Variants in MLANA observed in about 807,000 individuals in gnomAD.
MLANA encodes the protein melan-A.
In MLANA, 21 loss-of-function variants were observed where a neutral mutation model predicts 15.7. That is an observed-to-expected ratio of 1.33 (90% CI 0.95 to 1.92). The LOEUF is 1.92. Ranked by LOEUF, MLANA falls within the 40% of genes most tolerant of loss-of-function variation. The pLI is 0.00. For synonymous variants in MLANA, 56 were observed against 51.5 expected, an observed-to-expected ratio of 1.09 and a Z score of -0.37; for missense variants, 164 against 143.8, an observed-to-expected ratio of 1.14 and a Z score of -0.72.
At position 5,894,699 on chromosome 9, in the gene MLANA, G is replaced by C. The variant is rs1411050466; in HGVS notation, c.77+2148G>C. Among the ~76,000 whole-genome samples, 1 of 152,130 alleles carries C rather than the reference G, an allele frequency of 6.6e-6. No homozygotes were observed. The highest frequency in any genetic ancestry group is 1.5e-5 in the Non-Finnish European group (1 of 68,026). On this transcript the variant is annotated intron_variant, in intron 2 of 4. Coordinates refer to ENST00000381477, the MANE Select transcript of MLANA (RefSeq NM_005511.2). The surrounding 1 kb of genome is among the most constrained non-coding windows in gnomAD (Gnocchi z 4.0). ...TATACAGACAATGTGAGCATTGCTG[G>C]GGTGATCCTGACAGGAGCCAGAAGC... is the stretch of plus-strand genomic sequence containing the variant.
In MLANA at chr9:5,894,982, C is replaced by T. The variant is rs1260800516; in HGVS notation, c.77+2431C>T. The stretch of plus-strand genomic sequence containing the variant: ...TTTCTGTGTCTTGCAACCTGAATGA[C>T]GTGCATAAGCAGGGTCAGGTGGGTT... On this transcript the variant is annotated intron_variant, in intron 2 of 4. Transcript: ENST00000381477. This position sits in a 1 kb window ranked among gnomAD's most constrained non-coding sequence, Gnocchi z 4.0. Among the ~76,000 whole-genome samples, 2 of 152,200 alleles carry T rather than the reference C, an allele frequency of 1.3e-5. No homozygotes were observed. Among genetic ancestry groups the T allele is most frequent in the Non-Finnish European group, 2.9e-5 (2 of 68,048 alleles).
At chr9:5,893,536 C>A (rs1234266594) in intron 2 of MLANA, among the ~76,000 whole-genome samples, 1 of 152,172 alleles carries the variant, frequency 6.6e-6, no homozygotes, top group Non-Finnish European at 1.5e-5. Context: ...TCTAATATCC[C>A]TGGCCAATTG....
chr9:5,897,756 C>T, intron 3 of MLANA, 103 bp downstream of exon 3: 2 of 1,016,820 alleles, frequency 2.0e-6, no homozygotes, highest in Non-Finnish European at 3.1e-6. Flanking sequence ...TCATTATAAC[C>T]TTCAGCTCTG....
At position 5,906,890 on chromosome 9, in the gene MLANA, A is replaced by G. The variant is rs1204683570; in HGVS notation, c.180A>G (p.Lys60=). ...TTTATCAATTTACATTTCAGGATAA[A>G]AGTCTTCATGTTGGCACTCAATGTG... ...RRNGYRALMD[K]SLHVGTQCAL... is the part of the protein sequence containing the mutation. Residue 60 remains lysine (K), a synonymous_variant, in exon 4 of 5, where the codon AAA becomes AAG. Transcript: ENST00000381477. 1 of 1,574,270 alleles carries G rather than the reference A, an allele frequency of 6.4e-7. No homozygotes were observed. Among genetic ancestry groups the G allele is most frequent in the Non-Finnish European group, 8.6e-7 (1 of 1,164,288 alleles).
At position 5,893,326 on chromosome 9, in the gene MLANA, G is replaced by A. The variant is rs185679455; in HGVS notation, c.77+775G>A. Among the ~76,000 whole-genome samples the A allele has an allele frequency of 5.3e-5, 8 of 152,260 alleles. No individual in the cohort carries two copies. The East Asian group carries it at 1.2e-3, about 22-fold the overall frequency. ...GGGCAGGGGAGGCCCCACCCTCTGC[G>A]TGGGACTCTAACAGGACAACACCCT... On this transcript the variant is annotated intron_variant, in intron 2 of 4. Coordinates refer to ENST00000381477, the MANE Select transcript of MLANA (RefSeq NM_005511.2).
intron 2 of MLANA, 103 bp from the exon 3 acceptor site, chr9:5,897,454 T>C (rs865975739): frequency 9.6e-7 from 1 of 1,042,512 alleles, no homozygotes; most frequent in Non-Finnish European, 1.5e-6. Context: ...GATGCTGCTC[T>C]GGGTCGTCAA....
intron 4 of MLANA, 40 bp downstream of exon 4, chr9:5,907,038 C>A: frequency 8.0e-7 from 1 of 1,256,882 alleles, no homozygotes; most frequent in Non-Finnish European, 1.1e-6. Flanking sequence ...TCATGAATGG[C>A]TGTTTTTAAC....
At position 5,909,996 on chromosome 9, in the gene MLANA, A is replaced by T. The variant is rs1833068494; in HGVS notation, c.*1288A>T. 1.3e-5 allele frequency: 2 copies of T among 152,220 alleles called. No individual in the cohort carries two copies. The highest frequency in any genetic ancestry group is 4.8e-5 in the African/African-American group (2 of 41,458). The allele number at this position is 152,220 out of a possible 1,614,324, so 9.4% of individuals were successfully genotyped here. On this transcript the variant is annotated 3_prime_UTR_variant, in exon 5 of 5. Coordinates refer to ENST00000381477, the MANE Select transcript of MLANA (RefSeq NM_005511.2). Reference sequence around the variant, plus strand: ...GTGGAAAACCAGTATCATTTTCCATAGTAGAGGATAACTATAACAACGAAG... The same window carrying T: ...GTGGAAAACCAGTATCATTTTCCATTGTAGAGGATAACTATAACAACGAAG...
rs935451249 is a variant in MLANA at position 5,894,562 on chromosome 9, G to A, written c.77+2011G>A. ...GTTCTGGTGTCTCAAGAGCTTAGAAGTGAGGGGCATGAATCAAATACTCAG... is the reference window on the plus strand; with the variant it reads ...GTTCTGGTGTCTCAAGAGCTTAGAAATGAGGGGCATGAATCAAATACTCAG... On this transcript the variant is annotated intron_variant, in intron 2 of 4. Coordinates refer to ENST00000381477, the MANE Select transcript of MLANA (RefSeq NM_005511.2). The surrounding 1 kb of genome is among the most constrained non-coding windows in gnomAD (Gnocchi z 4.0). Among the ~76,000 whole-genome samples, 2 of 152,200 alleles carry A rather than the reference G, an allele frequency of 1.3e-5. No homozygotes were observed. The highest frequency in any genetic ancestry group is 4.8e-5 in the African/African-American group (2 of 41,452).
intron 2 of MLANA, among the ~76,000 whole-genome samples, chr9:5,896,496 G>C (rs535554420): frequency 6.6e-6 from 1 of 152,306 alleles, no homozygotes; most frequent in South Asian, 2.1e-4. Flanking sequence ...GACAGAAGTT[G>C]TCCAGTAGAT....
At chr9:5,895,458 C>T (rs1472434989) in intron 2 of MLANA, among the ~76,000 whole-genome samples, 6 of 151,930 alleles carry the variant, frequency 3.9e-5, no homozygotes, top group Admixed American at 6.6e-5. Flanking sequence ...AACAATGCAT[C>T]CCTAAGATCT....
At chr9:5,903,814 A>G (rs1003983834) in intron 3 of MLANA, among the ~76,000 whole-genome samples, 4 of 151,708 alleles carry the variant, frequency 2.6e-5, no homozygotes, top group African/African-American at 9.7e-5. Context: ...AGGAACTCCT[A>G]CTTTCTTTTC....
chr9:5,905,082 T>C (rs1832713816), intron 3 of MLANA, among the ~76,000 whole-genome samples: 1 of 152,228 alleles, frequency 6.6e-6, no homozygotes, highest in South Asian at 2.1e-4. Flanking sequence ...CTTATACTTC[T>C]TTTTTACTTT....
intron 2 of MLANA, among the ~76,000 whole-genome samples, chr9:5,896,404 T>C (rs947189369): frequency 3.9e-5 from 6 of 152,194 alleles, no homozygotes; most frequent in Non-Finnish European, 7.3e-5. Context: ...AGTCAGAGTT[T>C]CCATCTAGCA....
chr9:5,898,513 T>C (rs1832193093), intron 3 of MLANA, among the ~76,000 whole-genome samples: 1 of 152,184 alleles, frequency 6.6e-6, no homozygotes, highest in African/African-American at 2.4e-5. Context: ...TACACGAATT[T>C]TGGGGGACAC....
intron 3 of MLANA, among the ~76,000 whole-genome samples, chr9:5,905,466 C>CAAGGA (rs1052144974): frequency 1.3e-5 from 2 of 152,116 alleles, no homozygotes; most frequent in African/African-American, 2.4e-5. Flanking sequence ...CAAGACAATG[C>CAAGGA]AAGGAAAGGG....
chr9:5,907,185 A>G (rs1832872272), intron 4 of MLANA, 187 bp downstream of exon 4: 1 of 365,070 alleles, frequency 2.7e-6, no homozygotes, highest in Non-Finnish European at 4.8e-6. Context: ...AATAAATAAT[A>G]ATAAAAAACA....
chr9:5,902,824 T>G (rs78354910), intron 3 of MLANA, among the ~76,000 whole-genome samples: 1 of 152,162 alleles, frequency 6.6e-6, no homozygotes, highest in East Asian at 1.9e-4. Context: ...TGTTTTCAAT[T>G]TCATTGATTT....
At chr9:5,901,877 T>G (rs1203912418) in intron 3 of MLANA, among the ~76,000 whole-genome samples, 1 of 152,226 alleles carries the variant, frequency 6.6e-6, no homozygotes, top group Non-Finnish European at 1.5e-5. Flanking sequence ...TATTTTGTCA[T>G]GGTATGTAAT....
Sources: allele counts gnomAD v4.1 joint callset (sites outside exome capture counted in the v4.1 genomes callset), GRCh38; gene constraint gnomAD v4.1.1; non-coding constraint Gnocchi (gnomAD v3.1); transcripts MANE v1.5; gene names NCBI Gene and HGNC (gene_info 2026-07-23, HGNC 2026-07-21).